PTPRO: variants seen among roughly 807,000 people sequenced by gnomAD.
PTPRO encodes the protein receptor-type tyrosine-protein phosphatase O.
Under a neutral mutation model 145.2 loss-of-function variants are expected in PTPRO, and 62 were observed. The observed-to-expected ratio is 0.43, with a 90% CI of 0.35 to 0.53. The LOEUF (loss-of-function observed/expected upper bound fraction) is 0.53. PTPRO is among the 20% of genes least tolerant of loss of function. The probability of loss-of-function intolerance (pLI) is 0.01; values close to 1 mark genes in which losing one functional copy is unlikely to be tolerated. For missense variants in PTPRO, 1,345 were observed against 1,482.7 expected (o/e 0.91, Z 1.53); for synonymous variants, 565 against 514.7 (o/e 1.10, Z -1.32).
At chr12:15,515,180 C>A (rs1030094670) in intron 7 of PTPRO, among the ~76,000 whole-genome samples, 1 of 152,162 alleles carries the variant, frequency 6.6e-6, no homozygotes. Flanking sequence ...GAATGTCAAA[C>A]TATCCTCATG....
intron 19 of PTPRO, among the ~76,000 whole-genome samples, chr12:15,572,440 A>G (rs900884677): frequency 6.6e-6 from 1 of 152,250 alleles, no homozygotes; most frequent in Non-Finnish European, 1.5e-5. Flanking sequence ...TTACAAAGAA[A>G]TTGCTTTCTC....
At chr12:15,377,801 G>T (rs1262359166) in intron 1 of PTPRO, among the ~76,000 whole-genome samples, 5 of 151,968 alleles carry the variant, frequency 3.3e-5, no homozygotes, top group African/African-American at 1.2e-4. Flanking sequence ...TATGTTCTCT[G>T]ACCACAAGAA....
At chr12:15,586,111 G>A (rs557052388) in intron 23 of PTPRO, among the ~76,000 whole-genome samples, 2 of 152,150 alleles carry the variant, frequency 1.3e-5, no homozygotes, top group Non-Finnish European at 2.9e-5. Context: ...AGTATCATTA[G>A]GCCATTTTTA....
At chr12:15,568,761 A>G (rs1943966870) in intron 18 of PTPRO, among the ~76,000 whole-genome samples, 1 of 152,212 alleles carries the variant, frequency 6.6e-6, no homozygotes, top group South Asian at 2.1e-4. Flanking sequence ...CCTCTGAGCC[A>G]TTTCCATACT....
At position 15,501,763 on chromosome 12, in the gene PTPRO, G is replaced by T. The variant is rs773765307; in HGVS notation, c.805G>T (p.Glu269Ter). The T allele has an allele frequency of 6.2e-7, 1 of 1,614,064 alleles. No individual in the cohort carries two copies. Among genetic ancestry groups the T allele is most frequent in the Non-Finnish European group, 8.5e-7 (1 of 1,179,998 alleles). The change falls in exon 5 of 27, where the codon GAA becomes TAA. Residue 269 changes from glutamate to a stop codon, truncating the protein, a stop_gained. Transcript: ENST00000281171. LOFTEE classifies it high-confidence loss of function. ...IGKEKLFHFT[E>*]ETPEIPSGNI... ...AAAAGAAAAACTCTTCCATTTTACAGAAGAAACCCCTGAAATTCCCTCGGG... is the reference window on the plus strand; with the variant it reads ...AAAAGAAAAACTCTTCCATTTTACATAAGAAACCCCTGAAATTCCCTCGGG...
intron 16 of PTPRO, among the ~76,000 whole-genome samples, chr12:15,557,931 T>G (rs1943679292): frequency 6.6e-6 from 1 of 152,060 alleles, no homozygotes; most frequent in African/African-American, 2.4e-5. Flanking sequence ...ATTTTATTTT[T>G]TATTGTTTTG....
intron 2 of PTPRO, among the ~76,000 whole-genome samples, chr12:15,485,511 T>C (rs1941866899): frequency 6.6e-6 from 1 of 152,148 alleles, no homozygotes; most frequent in South Asian, 2.1e-4. Context: ...GCCCAAGCCT[T>C]ATGCTTGCTT....
At chr12:15,474,070 C>A (rs1237932895) in intron 1 of PTPRO, among the ~76,000 whole-genome samples, 3 of 152,086 alleles carry the variant, frequency 2.0e-5, no homozygotes, top group Non-Finnish European at 4.4e-5. Context: ...AGTTATTTAA[C>A]CTGTCTGGGT....
chr12:15,496,045 G>A (rs1428959701), intron 2 of PTPRO, among the ~76,000 whole-genome samples: 1 of 151,426 alleles, frequency 6.6e-6, no homozygotes, highest in Non-Finnish European at 1.5e-5. Context: ...TTTGAGAACA[G>A]AAGTTATAAC....
At chr12:15,365,934 A>T (rs1174670305) in intron 1 of PTPRO, among the ~76,000 whole-genome samples, 1 of 152,206 alleles carries the variant, frequency 6.6e-6, no homozygotes, top group Non-Finnish European at 1.5e-5. Flanking sequence ...TGGAGCAATC[A>T]TTGCTAGCAA....
In PTPRO at chr12:15,338,970, A is replaced by G. The variant is rs544979862; in HGVS notation, c.75+16169A>G. On this transcript the variant is annotated intron_variant, in intron 1 of 26. Coordinates refer to ENST00000281171, the MANE Select transcript of PTPRO (RefSeq NM_030667.3). ...GTTATTTTGCTAAGAAGTCTGTAAT[A>G]CAAGTGAAAATAACAAACATGTAAG... Among the ~76,000 whole-genome samples, 9 of 152,324 alleles carry G rather than the reference A, an allele frequency of 5.9e-5. 2 individuals are homozygous for G. The South Asian group carries it at 1.9e-3, about 32-fold the overall frequency.
intron 1 of PTPRO, among the ~76,000 whole-genome samples, chr12:15,380,576 A>G (rs1938829337): frequency 6.6e-6 from 1 of 152,174 alleles, no homozygotes; most frequent in Non-Finnish European, 1.5e-5. Flanking sequence ...ACCAGGCTAC[A>G]TTTGCTTGTT....
At position 15,408,712 on chromosome 12, in the gene PTPRO, G is replaced by A. The variant is rs376294779; in HGVS notation, c.76-75262G>A. Among the ~76,000 whole-genome samples the A allele has an allele frequency of 2.6e-5, 4 of 152,170 alleles. No homozygotes were observed. In the East Asian group the frequency reaches 7.7e-4, roughly 29 times the overall value. ...CAAAGTGCTGGGATTACAGGCGTGA[G>A]CCACCGTGCCCTGCCAGAAGTCAAA... On this transcript the variant is annotated intron_variant, in intron 1 of 26. Coordinates refer to ENST00000281171, the MANE Select transcript of PTPRO (RefSeq NM_030667.3).
At chr12:15,463,671 A>G (rs945439225) in intron 1 of PTPRO, among the ~76,000 whole-genome samples, 3 of 152,112 alleles carry the variant, frequency 2.0e-5, no homozygotes, top group African/African-American at 7.2e-5. Context: ...ATTGTCTCCT[A>G]GCTATTCTTT....
chr12:15,332,469 T>A (rs868571981), intron 1 of PTPRO, among the ~76,000 whole-genome samples: 3 of 152,234 alleles, frequency 2.0e-5, no homozygotes, highest in Admixed American at 6.5e-5. Context: ...ACTGTACTAA[T>A]TCTGGCTTCA....
At chr12:15,455,104 A>G (rs1186838609) in intron 1 of PTPRO, among the ~76,000 whole-genome samples, 2 of 152,108 alleles carry the variant, frequency 1.3e-5, no homozygotes, top group Admixed American at 6.6e-5. Flanking sequence ...TTTCTATATC[A>G]GCCTACCTTC....
At chr12:15,522,140 T>C (rs1354937346) in intron 10 of PTPRO, among the ~76,000 whole-genome samples, 1 of 152,154 alleles carries the variant, frequency 6.6e-6, no homozygotes, top group African/African-American at 2.4e-5. Context: ...ACAGTATGTG[T>C]GAGAATTAAA....
At chr12:15,594,085 A>G (rs1944607412) in intron 25 of PTPRO, among the ~76,000 whole-genome samples, 1 of 152,166 alleles carries the variant, frequency 6.6e-6, no homozygotes, top group Non-Finnish European at 1.5e-5. Flanking sequence ...TCACAAAAAT[A>G]AAGGCATCAA....
At chr12:15,364,818 C>T (rs1457491236) in intron 1 of PTPRO, among the ~76,000 whole-genome samples, 3 of 152,122 alleles carry the variant, frequency 2.0e-5, no homozygotes, top group African/African-American at 7.2e-5. Context: ...AGCACTGAAT[C>T]CCGGAATCAC....
Sources: allele counts gnomAD v4.1 joint callset (sites outside exome capture counted in the v4.1 genomes callset), GRCh38; gene constraint gnomAD v4.1.1; transcripts MANE v1.5; gene names NCBI Gene and HGNC (gene_info 2026-07-23, HGNC 2026-07-21).